The following PAK1 variants were observed in gnomAD, a reference collection of about 807,000 sequenced individuals.
PAK1 encodes serine/threonine-protein kinase PAK 1.
Under a neutral mutation model 67.4 loss-of-function variants are expected in PAK1, and 29 were observed. That is an observed-to-expected ratio of 0.43 (90% confidence interval 0.32 to 0.59). PAK1 has a LOEUF of 0.59. PAK1 is among the 20% of genes least tolerant of loss of function. PAK1 has a pLI of 0.07. For synonymous variants in PAK1, 223 were observed against 237.4 expected (o/e 0.94, Z 0.56); for missense variants, 337 against 670.7 (o/e 0.50, Z 5.50).
intron 2 of PAK1, among the ~76,000 whole-genome samples, chr11:77,381,992 C>A (rs1009764044): frequency 6.6e-5 from 10 of 152,316 alleles, no homozygotes; most frequent in Admixed American, 1.3e-4. Flanking sequence ...CCAGAATGCA[C>A]TGGAACATGT....
upstream of PAK1, among the ~76,000 whole-genome samples, chr11:77,479,000 G>A (rs1958089306): frequency 6.6e-6 from 1 of 150,654 alleles, no homozygotes; most frequent in Non-Finnish European, 1.5e-5. Flanking sequence ...CAGGAGAATG[G>A]CATGAACCCA....
intron 1 of PAK1, among the ~76,000 whole-genome samples, chr11:77,466,779 G>C (rs1957618840): frequency 6.6e-6 from 1 of 152,104 alleles, no homozygotes; most frequent in Non-Finnish European, 1.5e-5. Context: ...GACGGCTATG[G>C]TGTAATAGAA....
the PAK1 span, among the ~76,000 whole-genome samples, chr11:77,518,511 T>G: frequency 6.6e-6 from 1 of 152,084 alleles, no homozygotes; most frequent in Non-Finnish European, 1.5e-5. Flanking sequence ...AAAGAGAGTG[T>G]AATTAGTATG....
the PAK1 span, among the ~76,000 whole-genome samples, chr11:77,482,954 T>G: frequency 5.9e-5 from 9 of 152,212 alleles, no homozygotes; most frequent in African/African-American, 2.2e-4. Flanking sequence ...CCCAGCATTT[T>G]GGGAGGCCAA....
At chr11:77,421,219 C>T (rs1378343989) in intron 1 of PAK1, among the ~76,000 whole-genome samples, 3 of 152,210 alleles carry the variant, frequency 2.0e-5, no homozygotes, top group Non-Finnish European at 4.4e-5. Context: ...GCTCCAGGCA[C>T]CAAGGCTTTC....
chr11:77,446,270 G>C (rs1228221700), intron 1 of PAK1, among the ~76,000 whole-genome samples: 1 of 152,142 alleles, frequency 6.6e-6, no homozygotes, highest in Non-Finnish European at 1.5e-5. Context: ...CCAGCACTTT[G>C]GGAGGCCGAG....
intron 1 of PAK1, chr11:77,408,373 CG>C (rs1953953505): frequency 6.6e-6 from 1 of 151,844 alleles, no homozygotes; most frequent in African/African-American, 2.4e-5. Context: ...CACGATCGTA[CG>C]TACCATTGCA....
chr11:77,340,624 A>C (rs1229568343), intron 11 of PAK1, 22 bp downstream of exon 11: 1 of 1,208,008 alleles, frequency 8.3e-7, no homozygotes, highest in Admixed American at 1.7e-5. Context: ...TCTACCCAAG[A>C]CTGCTTGGCC....
chr11:77,427,042 A>G (rs1955587427), intron 1 of PAK1, among the ~76,000 whole-genome samples: 1 of 152,236 alleles, frequency 6.6e-6, no homozygotes, highest in African/African-American at 2.4e-5. Context: ...AAAGAAATAC[A>G]GACTCCTATC....
chr11:77,325,381 A>G (rs563961954), intron 14 of PAK1: 1 of 1,613,270 alleles, frequency 6.2e-7, no homozygotes, highest in South Asian at 1.1e-5. Context: ...TCTCACCTGT[A>G]AAAATGAGAA....
chr11:77,436,179 A>G (rs900758148), intron 1 of PAK1, among the ~76,000 whole-genome samples: 5 of 152,182 alleles, frequency 3.3e-5, no homozygotes, highest in African/African-American at 1.2e-4. Context: ...TGGCAGGGAG[A>G]GTAAGGTTTC....
intron 5 of PAK1, among the ~76,000 whole-genome samples, chr11:77,367,819 T>C (rs1480456441): frequency 2.0e-5 from 3 of 151,838 alleles, no homozygotes; most frequent in Non-Finnish European, 4.4e-5. Flanking sequence ...TCTACTAATA[T>C]ACAAAAAAAA....
At chr11:77,484,576 G>C in the PAK1 span, among the ~76,000 whole-genome samples, 1 of 152,228 alleles carries the variant, frequency 6.6e-6, no homozygotes, top group Non-Finnish European at 1.5e-5. Flanking sequence ...TGGGAAAGCA[G>C]AAGTTGGGCA....
intron 11 of PAK1, among the ~76,000 whole-genome samples, chr11:77,338,341 A>T (rs1943062030): frequency 6.6e-6 from 1 of 152,206 alleles, no homozygotes; most frequent in Non-Finnish European, 1.5e-5. Flanking sequence ...TTTACTTTCT[A>T]AGAATATACC....
chr11:77,388,837 C>T (rs1204812703), intron 2 of PAK1, among the ~76,000 whole-genome samples: 2 of 152,206 alleles, frequency 1.3e-5, no homozygotes, highest in Admixed American at 1.3e-4. Flanking sequence ...ATAAGATTGT[C>T]CCTCCAGGTT....
chr11:77,378,275 G>C (rs1458228839), intron 4 of PAK1, among the ~76,000 whole-genome samples: 1 of 152,148 alleles, frequency 6.6e-6, no homozygotes, highest in Non-Finnish European at 1.5e-5. Flanking sequence ...AACATTATTA[G>C]GGGCAAGTAG....
chr11:77,475,251 G>A (rs1958041231), upstream of PAK1: 1 of 152,102 alleles, frequency 6.6e-6, no homozygotes, highest in African/African-American at 2.4e-5. Flanking sequence ...TATCAAGTTG[G>A]ACACCAAGTC....
chr11:77,490,573 C>T, the PAK1 span, among the ~76,000 whole-genome samples: 1 of 151,790 alleles, frequency 6.6e-6, no homozygotes, highest in African/African-American at 2.4e-5. Context: ...GCCCGGCCGC[C>T]CCTACTGGGA....
chr11:77,340,425 TATA>T (rs1184763760), intron 11 of PAK1, among the ~76,000 whole-genome samples: 1 of 152,240 alleles, frequency 6.6e-6, no homozygotes, highest in Non-Finnish European at 1.5e-5. Context: ...TCTAGTACTT[TATA>T]ATTTTTCTAC....
Sources: gnomAD v4.1 joint callset for allele counts (sites outside exome capture counted in the v4.1 genomes callset) on GRCh38, gnomAD v4.1.1 for gene constraint, MANE v1.5 for transcripts, NCBI Gene and HGNC (gene_info 2026-07-23, HGNC 2026-07-21) for gene names.